Variants in PTPRC observed in about 807,000 individuals in gnomAD.
PTPRC encodes the protein receptor-type tyrosine-protein phosphatase C.
A neutral mutation model predicts 155.9 loss-of-function variants in PTPRC; 44 were observed. That is an observed-to-expected ratio of 0.28 (90% CI 0.22 to 0.36). The LOEUF (loss-of-function observed/expected upper bound fraction) is 0.36, where lower values mean the gene tolerates loss of function less well. PTPRC is among the 10% of genes least tolerant of loss of function. The pLI is 1.00. For synonymous variants in PTPRC, 525 were observed against 533.1 expected, an observed-to-expected ratio of 0.98 and a Z score of 0.21; for missense variants, 1,401 against 1,564.6, an observed-to-expected ratio of 0.90 and a Z score of 1.76.
At chr1:198,656,636 C>A (rs1018656749) in intron 2 of PTPRC, among the ~76,000 whole-genome samples, 28 of 134,028 alleles carry the variant, frequency 2.1e-4, no homozygotes, top group Non-Finnish European at 3.6e-4. Context: ...CACAGGGCTA[C>A]TAGTTTTTTG....
chr1:198,741,784 T>G, intron 23 of PTPRC, 85 bp from the exon 24 acceptor site: 2 of 1,353,144 alleles, frequency 1.5e-6, no homozygotes, highest in Non-Finnish European at 2.1e-6. Context: ...GAGGAGACTT[T>G]GTACTGGTAC....
At position 198,754,274 on chromosome 1, in the gene PTPRC, G is replaced by A; in HGVS notation, c.3515G>A (p.Gly1172Glu). The change falls in exon 32 of 33, where the codon GGA becomes GAA. Residue 1172 changes from glycine to glutamate, a missense_variant. By Grantham distance (98) the Gly-to-Glu change is moderately conservative (BLOSUM62 -2). This residue lies in a region of PTPRC where 400 missense variants were observed against 389.5 expected (regional missense o/e 1.03). Coordinates refer to ENST00000442510, the MANE Select transcript of PTPRC (RefSeq NM_002838.5). ...ATCTTTTCTTTCTTTTATAGGGATG[G>A]ATCTCAGCAAACGGGAATATTTTGT... Reference protein sequence around the residue: ...STPLLIHCRDGSQQTGIFCAL... With the variant: ...STPLLIHCRDESQQTGIFCAL... The A allele has an allele frequency of 6.2e-7, 1 of 1,609,302 alleles. No individual in the cohort carries two copies. Among genetic ancestry groups the A allele is most frequent in the Non-Finnish European group, 8.5e-7 (1 of 1,176,240 alleles).
intron 3 of PTPRC, chr1:198,694,318 G>A: frequency 4.8e-6 from 2 of 413,188 alleles, no homozygotes; most frequent in Non-Finnish European, 7.1e-6. Context: ...ACTCATATTG[G>A]GTGGGGGTGG....
Position 198,756,044 on chromosome 1 carries a change from G to A in PTPRC, c.3784G>A (p.Val1262Ile). The A allele has an allele frequency of 1.2e-6, 2 of 1,613,500 alleles. No homozygotes were observed. The highest frequency in any genetic ancestry group is 1.1e-5 in the South Asian group (1 of 91,072). The stretch of plus-strand genomic sequence containing the variant: ...CAAAGTAAAGCAGGATGCTAATTGT[G>A]TTAATCCACTTGGTGCCCCAGAAAA... ...VDKVKQDANC[V>I]NPLGAPEKLP... The change falls in exon 33 of 33, where the codon GTT becomes ATT. Residue 1262 changes from valine (V) to isoleucine (I), a missense_variant. Transcript: ENST00000442510.
intron 26 of PTPRC, among the ~76,000 whole-genome samples, chr1:198,747,060 C>A (rs773560805): frequency 6.6e-6 from 1 of 151,552 alleles, no homozygotes; most frequent in Non-Finnish European, 1.5e-5. Flanking sequence ...ACATGAGGAG[C>A]CTTCTCAGTT....
intron 2 of PTPRC, among the ~76,000 whole-genome samples, chr1:198,676,181 G>A (rs1035057781): frequency 8.5e-5 from 13 of 152,168 alleles, no homozygotes; most frequent in African/African-American, 2.9e-4. Context: ...TATGAATGCC[G>A]AAGGTAGTAT....
intron 9 of PTPRC, 119 bp from the exon 10 acceptor site, chr1:198,708,014 C>T (rs1026837316): frequency 6.0e-5 from 55 of 909,588 alleles, no homozygotes; most frequent in Non-Finnish European, 9.0e-5. Context: ...CAATCCTTGC[C>T]AAATTCTATG....
At chr1:198,705,780 TC>T (rs890249877) in intron 8 of PTPRC, among the ~76,000 whole-genome samples, 4 of 152,132 alleles carry the variant, frequency 2.6e-5, no homozygotes, top group Non-Finnish European at 4.4e-5. Flanking sequence ...CTCCTGCTCT[TC>T]CTCTACAATT....
In PTPRC at chr1:198,756,327, G is replaced by GA; in HGVS notation, c.*151dup. 1 of 1,069,014 alleles carries GA rather than the reference G, an allele frequency of 9.4e-7. No individual in the cohort carries two copies. 66.2% of individuals were successfully genotyped at this position (1,069,014 alleles called of 1,614,324 possible). A position where few individuals can be genotyped will look rare whatever the true frequency, so the allele number is the denominator to read the frequency against. On this transcript the variant is annotated 3_prime_UTR_variant, in exon 33 of 33. Coordinates refer to ENST00000442510, the MANE Select transcript of PTPRC (RefSeq NM_002838.5). ...AGAAGGGTTATATTTTACTACTGTG[G>GA]AAAAATATTTAAGATAGTTTTGCCA...
chr1:198,659,443 G>A (rs757144998), intron 2 of PTPRC, among the ~76,000 whole-genome samples: 2 of 152,132 alleles, frequency 1.3e-5, no homozygotes, highest in Non-Finnish European at 2.9e-5. Flanking sequence ...GGACAGAGGG[G>A]GCCAGTGCTC....
chr1:198,692,274 A>C, intron 2 of PTPRC, 73 bp from the exon 3 acceptor site: 6 of 1,152,330 alleles, frequency 5.2e-6, no homozygotes, highest in Non-Finnish European at 7.2e-6. Context: ...TACATATAAA[A>C]ATCTAATATA....
At chr1:198,644,050 G>A (rs537108102) in intron 2 of PTPRC, among the ~76,000 whole-genome samples, 1 of 151,900 alleles carries the variant, frequency 6.6e-6, no homozygotes, top group Non-Finnish European at 1.5e-5. Context: ...CAAAGGCAAG[G>A]TTTCATCTTC....
chr1:198,727,330 T>G (rs1256210204), intron 15 of PTPRC, among the ~76,000 whole-genome samples: 1 of 152,172 alleles, frequency 6.6e-6, no homozygotes, highest in Non-Finnish European at 1.5e-5. Context: ...TTTCTTCTGT[T>G]CATTATTAAT....
At chr1:198,681,907 C>G (rs1196545719) in intron 2 of PTPRC, among the ~76,000 whole-genome samples, 2 of 152,126 alleles carry the variant, frequency 1.3e-5, no homozygotes, top group African/African-American at 4.8e-5. Flanking sequence ...TCAACGTCAA[C>G]TAGAGAAGTT....
In PTPRC at chr1:198,696,833, T is replaced by G. The variant is rs752570571; in HGVS notation, c.222T>G (p.Thr74=). The G allele has an allele frequency of 1.2e-6, 2 of 1,614,026 alleles. No homozygotes were observed. The highest frequency in any genetic ancestry group is 1.7e-6 in the Non-Finnish European group (2 of 1,179,866). The change falls in exon 4 of 33, where the codon ACT becomes ACG. Residue 74 remains threonine, a synonymous_variant. Coordinates refer to ENST00000442510, the MANE Select transcript of PTPRC (RefSeq NM_002838.5). The part of the protein sequence containing the change: ...ERENDFSETT[T]SLSPDNTSTQ... Reference sequence around the variant, plus strand: ...AAAATGACTTCTCAGAGACCACAACTTCTCTTAGTCCAGACAATACTTCCA... The same window carrying G: ...AAAATGACTTCTCAGAGACCACAACGTCTCTTAGTCCAGACAATACTTCCA...
chr1:198,706,634 T>C, intron 8 of PTPRC, 100 bp from the exon 9 acceptor site: 1 of 1,302,106 alleles, frequency 7.7e-7, no homozygotes, highest in Non-Finnish European at 1.1e-6. Flanking sequence ...TTCATGTTTT[T>C]TGGGGATATT....
At chr1:198,660,795 A>T (rs1174753868) in intron 2 of PTPRC, 3 of 152,100 alleles carry the variant, frequency 2.0e-5, no homozygotes, top group Admixed American at 6.5e-5. Flanking sequence ...TACCACCAAC[A>T]CAATGATCCA....
chr1:198,695,486 T>A (rs1310172912), intron 3 of PTPRC, among the ~76,000 whole-genome samples: 1 of 151,552 alleles, frequency 6.6e-6, no homozygotes, highest in East Asian at 1.9e-4. Context: ...CATGAGCTTT[T>A]TTTTTTTTAA....
chr1:198,731,468 T>A, intron 17 of PTPRC, 149 bp from the exon 18 acceptor site: 1 of 642,712 alleles, frequency 1.6e-6, no homozygotes, highest in Admixed American at 2.2e-5. Flanking sequence ...TATAGGTAAA[T>A]GTTTGTATGT....
Sources: gnomAD v4.1 joint callset for allele counts (sites outside exome capture counted in the v4.1 genomes callset) on GRCh38, gnomAD v4.1.1 for gene constraint, gnomAD v4.1.1 regional missense constraint, MANE v1.5 for transcripts, NCBI Gene and HGNC (gene_info 2026-07-23, HGNC 2026-07-21) for gene names.